The following CSF3R variants were observed in gnomAD, a reference collection of about 807,000 sequenced individuals.
CSF3R encodes granulocyte colony-stimulating factor receptor.
In CSF3R, 52 loss-of-function variants were observed where a neutral mutation model predicts 84.4. That is an observed-to-expected ratio of 0.62 (90% CI 0.49 to 0.78). The LOEUF is 0.78. Ranked by LOEUF, CSF3R falls within the 30% of genes least tolerant of loss-of-function variation. The pLI is 0.00. For missense variants in CSF3R, 890 were observed against 1,055.7 expected, an observed-to-expected ratio of 0.84 and a Z score of 2.17; for synonymous variants, 384 against 429.1, an observed-to-expected ratio of 0.89 and a Z score of 1.30.
intron 2 of CSF3R, among the ~76,000 whole-genome samples, chr1:36,480,818 A>G (rs1315899083): frequency 5.3e-5 from 8 of 152,192 alleles, no homozygotes; most frequent in African/African-American, 1.9e-4. Flanking sequence ...TATATATTGC[A>G]GTATCGGAAT....
At position 36,468,118 on chromosome 1, in the gene CSF3R, G is replaced by A; in HGVS notation, c.1680C>T (p.Thr560=). ...CGTTGGTCCAGAAGATGGTGTAGTGGGTAAGGGGGCTCTTCCCCAGCTCAG... is the reference window on the plus strand; with the variant it reads ...CGTTGGTCCAGAAGATGGTGTAGTGAGTAAGGGGGCTCTTCCCCAGCTCAG... ...EPPELGKSPL[T]HYTIFWTNAQ... is the part of the protein sequence containing the mutation. The change falls in exon 13 of 17, where the codon ACC becomes ACT. Residue 560 remains threonine (T), a synonymous_variant. Transcript: ENST00000373106. 1 of 1,614,220 alleles carries A rather than the reference G, an allele frequency of 6.2e-7. No homozygotes were observed. The highest frequency in any genetic ancestry group is 8.5e-7 in the Non-Finnish European group (1 of 1,180,034).
rs1293822456 is a variant in CSF3R, at chr1:36,472,583, G to T, written c.777C>A (p.Gly259=). 1 of 1,614,106 alleles carries T rather than the reference G, an allele frequency of 6.2e-7. No homozygotes were observed. The highest frequency in any genetic ancestry group is 1.1e-5 in the South Asian group (1 of 91,086). The change falls in exon 7 of 17, where the codon GGC becomes GGA. Residue 259 remains glycine, a synonymous_variant. Transcript: ENST00000373106. The surrounding 1 kb of genome is among the most constrained non-coding windows in gnomAD (Gnocchi z 5.0). ...LQLCWEPWQP[G]LHINQKCELR... Reference sequence around the variant, plus strand: ...GCTCACACTTCTGATTTATGTGCAGGCCTGGCTGCCATGGCTCCCAGCACA... The same window carrying T: ...GCTCACACTTCTGATTTATGTGCAGTCCTGGCTGCCATGGCTCCCAGCACA...
At position 36,472,362 on chromosome 1, in the gene CSF3R, C is replaced by T. The variant is rs1650816752; in HGVS notation, c.873G>A (p.Gln291=). Residue 291 remains glutamine, a synonymous_variant, in exon 8 of 17, where the codon CAG becomes CAA. Transcript: ENST00000373106. The surrounding 1 kb of genome is among the most constrained non-coding windows in gnomAD (Gnocchi z 5.0). ...LVGPLPLEAL[Q]YELCGLLPAT... is the part of the protein sequence containing the mutation. ...CTGGGAGGAGCCCGCAGAGCTCATA[C>T]TGAAGGGCCTCCAAGGGGAGGGGGC... 6.2e-7 allele frequency: 1 copy of T among 1,613,996 alleles called. No individual in the cohort carries two copies. Among genetic ancestry groups the T allele is most frequent in the Non-Finnish European group, 8.5e-7 (1 of 1,180,030 alleles).
At position 36,471,617 on chromosome 1, in the gene CSF3R, C is replaced by G. The variant is rs1447131096; in HGVS notation, c.1101G>C (p.Arg367=). 11 of 1,614,094 alleles carry G rather than the reference C, an allele frequency of 6.8e-6. No homozygotes were observed. The highest frequency in any genetic ancestry group is 1.7e-5 in the Admixed American group (1 of 60,012). The part of the protein sequence containing the change: ...KPVPLEEDSG[R]IQGYVVSWRP... ...TCCAAGAAACCACATAACCTTGGATCCGTCCGCTGTCTTCCTCCAGGGGCA... is the reference window on the plus strand; with the variant it reads ...TCCAAGAAACCACATAACCTTGGATGCGTCCGCTGTCTTCCTCCAGGGGCA... The change falls in exon 10 of 17, where the codon CGG becomes CGC. Residue 367 remains arginine (R), a synonymous_variant. Transcript: ENST00000373106.
chr1:36,469,404 A>T, intron 11 of CSF3R, 147 bp from the exon 12 acceptor site: 1 of 784,460 alleles, frequency 1.3e-6, no homozygotes, highest in East Asian at 2.7e-5. Context: ...TCATTTGATG[A>T]GAATTAGGGA....
At chr1:36,471,397 G>A (rs1177558746) in intron 10 of CSF3R, 36 bp downstream of exon 10, 2 of 1,588,282 alleles carry the variant, frequency 1.3e-6, no homozygotes. Context: ...TGATGCGCTT[G>A]ACCTCTGTGC....
intron 6 of CSF3R, chr1:36,473,013 G>T: frequency 4.8e-6 from 2 of 416,564 alleles, no homozygotes; most frequent in Non-Finnish European, 8.6e-6. Flanking sequence ...AATAGCCAGT[G>T]CTCCCCTTCC....
intron 3 of CSF3R, 198 bp downstream of exon 3, chr1:36,479,235 C>T (rs1388236587): frequency 3.0e-6 from 2 of 672,142 alleles, no homozygotes; most frequent in Non-Finnish European, 5.5e-6. Flanking sequence ...CGGGTCGTCT[C>T]ACCATTCCTC....
At position 36,466,462 on chromosome 1, in the gene CSF3R, G is replaced by T. The variant is rs752107935; in HGVS notation, c.2406C>A (p.Thr802=). 1.9e-6 allele frequency: 3 copies of T among 1,612,346 alleles called. No homozygotes were observed. The highest frequency in any genetic ancestry group is 3.4e-4 in the Middle Eastern group (2 of 5,964). Residue 802 remains threonine, a synonymous_variant, in exon 17 of 17, where the codon ACC becomes ACA. Transcript: ENST00000373106. The surrounding 1 kb of genome is among the most constrained non-coding windows in gnomAD (Gnocchi z 4.6). Reference sequence around the variant, plus strand: ...AGTCGTCCTCCTGGCTTGGGGCTGGGGTTACCAGGGTCCCCAAGGGGCTGG... The same window carrying T: ...AGTCGTCCTCCTGGCTTGGGGCTGGTGTTACCAGGGTCCCCAAGGGGCTGG... The part of the protein sequence containing the change: ...FQASPLGTLV[T]PAPSQEDDCV...
rs1246067183 is a variant in CSF3R at position 36,475,431 on chromosome 1, G to A, written c.307C>T (p.Leu103=). The A allele has an allele frequency of 6.2e-6, 10 of 1,614,178 alleles. No individual in the cohort carries two copies. The highest frequency in any genetic ancestry group is 1.7e-5 in the Admixed American group (1 of 60,032). The change falls in exon 4 of 17, where the codon CTG becomes TTG. Residue 103 remains leucine (L), a synonymous_variant. Coordinates refer to ENST00000373106, the MANE Select transcript of CSF3R (RefSeq NM_000760.4). ...NHTQAFLSCC[L]NWGNSLQILD... Reference sequence around the variant, plus strand: ...ATCTGCAGGCTGTTGCCCCAGTTCAGGCAGCAGGAGAGAAAGGCCTGAGTG... The same window carrying A: ...ATCTGCAGGCTGTTGCCCCAGTTCAAGCAGCAGGAGAGAAAGGCCTGAGTG...
In CSF3R at chr1:36,470,118, C is replaced by T. The variant is rs3917987; in HGVS notation, c.1286-278G>A. Among the ~76,000 whole-genome samples, 8,023 of 152,232 alleles carry T rather than the reference C, an allele frequency of 0.053. 503 individuals are homozygous for T. Among genetic ancestry groups the T allele is most frequent in the African/African-American group, 0.15 (6,346 of 41,494 alleles). On this transcript the variant is annotated intron_variant, in intron 10 of 16. Transcript: ENST00000373106. ...CTTGTTAGTGATAACAGCTAACACTCTATTGTTCTTGGTATGTGTCAGGCG... is the reference window on the plus strand; with the variant it reads ...CTTGTTAGTGATAACAGCTAACACTTTATTGTTCTTGGTATGTGTCAGGCG...
intron 1 of CSF3R, chr1:36,482,139 A>C (rs1570606101): frequency 6.6e-6 from 1 of 152,340 alleles, no homozygotes; most frequent in African/African-American, 2.4e-5. Context: ...GATATGCTGC[A>C]GATAAAGAAA....
chr1:36,466,738 C>A lies in CSF3R; in HGVS notation c.2130G>T (p.Glu710Asp), dbSNP rs370491074. ...EEDEKKPVPW[E>D]SHNSSETCGL... ...CACAGGTCTCTGAGCTGTTATGGGA[C>A]TCCCAGGGCACCGGCTTCTTTTCAT... The change falls in exon 17 of 17, where the codon GAG becomes GAT. Residue 710 changes from glutamate (E) to aspartate (D), a missense_variant. Transcript: ENST00000373106. The surrounding 1 kb of genome is among the most constrained non-coding windows in gnomAD (Gnocchi z 4.6). 2 of 1,614,238 alleles carry A rather than the reference C, an allele frequency of 1.2e-6. No homozygotes were observed. Among genetic ancestry groups the A allele is most frequent in the South Asian group, 1.1e-5 (1 of 91,084 alleles).
Position 36,466,346 on chromosome 1 carries a change from C to T in CSF3R, c.*11G>A, listed in dbSNP as rs750906880. 3 of 1,612,454 alleles carry T rather than the reference C, an allele frequency of 1.9e-6. No homozygotes were observed. The highest frequency in any genetic ancestry group is 1.7e-5 in the Admixed American group (1 of 59,966). On this transcript the variant is annotated 3_prime_UTR_variant, in exon 17 of 17. Coordinates refer to ENST00000373106, the MANE Select transcript of CSF3R (RefSeq NM_000760.4). The surrounding 1 kb of genome is among the most constrained non-coding windows in gnomAD (Gnocchi z 4.6). ...TAAGAGGCAGGCCCAAGAAGGGAAC[C>T]CCAGGAAGCCCTAGAAGCTCCCCAG...
chr1:36,478,252 G>T (rs534729331), intron 3 of CSF3R, among the ~76,000 whole-genome samples: 1 of 152,230 alleles, frequency 6.6e-6, no homozygotes, highest in South Asian at 2.1e-4. Context: ...CACAGGGCTG[G>T]GCGCGGTGGT....
chr1:36,473,487 A>G lies in CSF3R; in HGVS notation c.621T>C (p.Asn207=), dbSNP rs1412116606. 1 of 1,614,096 alleles carries G rather than the reference A, an allele frequency of 6.2e-7. No individual in the cohort carries two copies. The highest frequency in any genetic ancestry group is 2.2e-5 in the East Asian group (1 of 44,880). The change falls in exon 6 of 17, where the codon AAT becomes AAC. Residue 207 remains asparagine (N), a synonymous_variant. Coordinates refer to ENST00000373106, the MANE Select transcript of CSF3R (RefSeq NM_000760.4). ...GTGGGGACATGCTGGTCCCCAGCGC[A>G]TTCTCTGCCTGCACCCAGATGCCCA... is the stretch of plus-strand genomic sequence containing the variant. The part of the protein sequence containing the change: ...QNMGIWVQAE[N]ALGTSMSPQL...
chr1:36,472,087 C>T lies in CSF3R; in HGVS notation c.1050G>A (p.Arg350=). 7 of 1,613,682 alleles carry T rather than the reference C, an allele frequency of 4.3e-6. No individual in the cohort carries two copies. Among genetic ancestry groups the T allele is most frequent in the Non-Finnish European group, 5.9e-6 (7 of 1,180,020 alleles). Residue 350 remains arginine, a synonymous_variant, in exon 9 of 17, where the codon AGG becomes AGA. Transcript: ENST00000373106. The surrounding 1 kb of genome is among the most constrained non-coding windows in gnomAD (Gnocchi z 5.0). ...TCACCTTCCAGAACAGCTGCACTGT[C>T]CTGGGGTCCAGCTGCCTCTGCCGCC... ...TWWRQRQLDP[R]TVQLFWKPVP... is the part of the protein sequence containing the mutation.
chr1:36,475,932 C>T (rs3917953), intron 3 of CSF3R: 543 of 448,388 alleles, frequency 1.2e-3, no homozygotes, highest in African/African-American at 9.8e-3. Context: ...TGTGCCTTTC[C>T]GCGGTGTAAG....
chr1:36,472,777 C>A lies in CSF3R; in HGVS notation c.674-91G>T. 1 of 1,398,172 alleles carries A rather than the reference C, an allele frequency of 7.2e-7. No homozygotes were observed. The highest frequency in any genetic ancestry group is 9.5e-7 in the Non-Finnish European group (1 of 1,053,026). The allele number at this position is 1,398,172 out of a possible 1,614,324, so 86.6% of individuals were successfully genotyped here. A position where few individuals can be genotyped will look rare whatever the true frequency, so the allele number is the denominator to read the frequency against. On this transcript the variant is annotated intron_variant, in intron 6 of 16. Transcript: ENST00000373106. The surrounding 1 kb of genome is among the most constrained non-coding windows in gnomAD (Gnocchi z 5.0). ...TCTTGTCTCCCTGTCTGTGGTTCAC[C>A]ATCTGTCCACGTTGCCAATGACACG...
Sources: allele counts gnomAD v4.1 joint callset (sites outside exome capture counted in the v4.1 genomes callset), GRCh38; gene constraint gnomAD v4.1.1; non-coding constraint Gnocchi (gnomAD v3.1); transcripts MANE v1.5; gene names NCBI Gene and HGNC (gene_info 2026-07-23, HGNC 2026-07-21).